Variants in TFEC observed in about 807,000 individuals in gnomAD.
TFEC encodes the protein transcription factor EC, also known as class E basic helix-loop-helix protein 34.
TFEC carries 31 observed loss-of-function variants against 41.6 expected under a neutral mutation model. That is an observed-to-expected ratio of 0.74 (90% CI 0.56 to 1.01). The LOEUF is 1.01. Among genes scored for constraint, TFEC ranks in the 50% least tolerant of loss-of-function variants. The pLI, the probability that TFEC is intolerant of heterozygous loss-of-function variation, is 0.00. For missense variants in TFEC, 402 were observed against 404.1 expected, an observed-to-expected ratio of 0.99 and a Z score of 0.04; for synonymous variants, 143 against 140.6, an observed-to-expected ratio of 1.02 and a Z score of -0.12.
chr7:115,985,482 C>G lies in TFEC; in HGVS notation c.-72-969G>C, dbSNP rs145384800. On this transcript the variant is annotated intron_variant, in intron 1 of 7. Transcript: ENST00000265440. ...GATTTAATATTTCCCTCATGTTAAA[C>G]AATAGTAAAGATTGCTGTACAGTGC... Among the ~76,000 whole-genome samples, 409 of 152,168 alleles carry G rather than the reference C, an allele frequency of 2.7e-3. 1 individual carries two copies. The highest frequency in any genetic ancestry group is 4.8e-3 in the Non-Finnish European group (328 of 67,966).
intron 3 of TFEC, among the ~76,000 whole-genome samples, chr7:116,097,281 C>T (rs1006490783): frequency 4.6e-5 from 7 of 151,988 alleles, no homozygotes; most frequent in African/African-American, 1.7e-4. Context: ...TGTTCTAAGA[C>T]CCCCAGTAGC....
At chr7:115,941,483 A>G (rs577216485) in intron 7 of TFEC, 4 of 180,210 alleles carry the variant, frequency 2.2e-5, no homozygotes, top group Non-Finnish European at 4.6e-5. Flanking sequence ...GGAGGGGAGA[A>G]TTTAATGTCC....
chr7:116,150,433 C>G (rs994600023), intron 1 of TFEC, among the ~76,000 whole-genome samples: 3 of 152,036 alleles, frequency 2.0e-5, no homozygotes, highest in African/African-American at 7.2e-5. Flanking sequence ...ACACCCAATA[C>G]AATATTGAAT....
chr7:115,978,561 G>T (rs1305301176), intron 2 of TFEC, among the ~76,000 whole-genome samples: 3 of 152,058 alleles, frequency 2.0e-5, no homozygotes, highest in African/African-American at 7.2e-5. Context: ...TTACCTTTCT[G>T]TCCAACTATC....
At chr7:116,055,737 A>AT (rs1319843503) in intron 3 of TFEC, among the ~76,000 whole-genome samples, 1 of 151,990 alleles carries the variant, frequency 6.6e-6, no homozygotes, top group East Asian at 1.9e-4. Context: ...AGGTATAATA[A>AT]TTTTTTTCTG....
Position 116,063,355 on chromosome 7 carries a change from G to A in TFEC, c.198+47353C>T, listed in dbSNP as rs894332473. Among the ~76,000 whole-genome samples, 8 of 152,166 alleles carry A rather than the reference G, an allele frequency of 5.3e-5. No homozygotes were observed. In the East Asian group the frequency reaches 5.8e-4, roughly 11 times the overall value. On this transcript the variant is annotated intron_variant, in intron 3 of 8. Coordinates refer to the TFEC transcript ENST00000484212. ...GGGGTGGCTGGGCGCGGTGGCTCAC[G>A]CCTGTAATCCCAGCACTTTGAGAGG...
intron 1 of TFEC, among the ~76,000 whole-genome samples, chr7:116,126,704 A>T (rs1190634351): frequency 6.6e-6 from 1 of 152,180 alleles, no homozygotes; most frequent in Admixed American, 6.5e-5. Flanking sequence ...TTAAAATTTT[A>T]TTTCCCTTTT....
chr7:116,075,947 C>G (rs904695290), intron 3 of TFEC, among the ~76,000 whole-genome samples: 1 of 152,214 alleles, frequency 6.6e-6, no homozygotes, highest in East Asian at 1.9e-4. Context: ...GTGCCACTTG[C>G]TGGCTGGACG....
intron 1 of TFEC, among the ~76,000 whole-genome samples, chr7:116,154,481 G>T (rs938523346): frequency 1.3e-5 from 2 of 151,966 alleles, no homozygotes; most frequent in African/African-American, 4.8e-5. Flanking sequence ...ATTCATTCAG[G>T]TATATTTTTA....
intron 1 of TFEC, among the ~76,000 whole-genome samples, chr7:116,127,862 A>C (rs555313745): frequency 5.9e-5 from 9 of 152,002 alleles, no homozygotes; most frequent in South Asian, 4.2e-4. Flanking sequence ...TAGCCCACAC[A>C]CCCACACCCC....
At chr7:116,104,553 AGG>A (rs1797673718) in intron 3 of TFEC, among the ~76,000 whole-genome samples, 1 of 152,208 alleles carries the variant, frequency 6.6e-6, no homozygotes, top group African/African-American at 2.4e-5. Context: ...TTATAACAAA[AGG>A]GAACTCTGGG....
intron 1 of TFEC, among the ~76,000 whole-genome samples, chr7:116,026,058 T>C (rs906251752): frequency 6.6e-6 from 1 of 152,202 alleles, no homozygotes; most frequent in Non-Finnish European, 1.5e-5. Context: ...AATCAAAATA[T>C]GCTAAAACAT....
chr7:116,114,925 G>T (rs952904546), intron 1 of TFEC, among the ~76,000 whole-genome samples: 49 of 151,750 alleles, frequency 3.2e-4, no homozygotes, highest in African/African-American at 1.1e-3. Context: ...GGGGAGAGAG[G>T]ACATTTGACA....
intron 4 of TFEC, among the ~76,000 whole-genome samples, chr7:115,956,138 A>G (rs1220606076): frequency 6.6e-6 from 1 of 152,012 alleles, no homozygotes; most frequent in East Asian, 1.9e-4. Flanking sequence ...CTATGCTCCT[A>G]TAATTTGAGT....
chr7:116,086,995 T>C (rs1797218126), intron 3 of TFEC, among the ~76,000 whole-genome samples: 1 of 151,980 alleles, frequency 6.6e-6, no homozygotes, highest in Non-Finnish European at 1.5e-5. Context: ...ATAATGGAGT[T>C]ATTTTCCACT....
intron 1 of TFEC, among the ~76,000 whole-genome samples, chr7:116,009,632 G>A (rs185359080): frequency 6.6e-6 from 1 of 152,042 alleles, no homozygotes; most frequent in Non-Finnish European, 1.5e-5. Context: ...AACCCTTGAA[G>A]GTAAAAGGTG....
chr7:115,960,455 G>A (rs1792479480), intron 3 of TFEC, among the ~76,000 whole-genome samples: 1 of 151,622 alleles, frequency 6.6e-6, no homozygotes, highest in Admixed American at 6.6e-5. Flanking sequence ...AAATAAAATT[G>A]ATCGAATATC....
At chr7:116,046,787 T>G (rs1197009850) in intron 3 of TFEC, among the ~76,000 whole-genome samples, 1 of 152,176 alleles carries the variant, frequency 6.6e-6, no homozygotes, top group Non-Finnish European at 1.5e-5. Flanking sequence ...TGTCCACCCT[T>G]TTGTTTCAGA....
At chr7:116,143,408 T>TA (rs1254879244) in intron 1 of TFEC, among the ~76,000 whole-genome samples, 2 of 152,170 alleles carry the variant, frequency 1.3e-5, no homozygotes, top group African/African-American at 4.8e-5. Flanking sequence ...CAGACCTTTA[T>TA]AAAAAATGCA....
Sources: gnomAD v4.1 joint callset for allele counts (sites outside exome capture counted in the v4.1 genomes callset) on GRCh38, gnomAD v4.1.1 for gene constraint, MANE v1.5 for transcripts, NCBI Gene and HGNC (gene_info 2026-07-23, HGNC 2026-07-21) for gene names.